RANBP17: variants seen among roughly 807,000 people sequenced by gnomAD.
RANBP17 encodes RAN binding protein 17, also known as ran-binding protein 17.
RANBP17 carries 158 observed loss-of-function variants against 141.2 expected under a neutral mutation model. That is an observed-to-expected ratio of 1.12 (90% CI 0.98 to 1.28). RANBP17 has a LOEUF of 1.28. RANBP17 is among the 50% of genes most tolerant of loss of function. RANBP17 has a pLI of 0.00. For missense variants in RANBP17, 1,438 were observed against 1,290.7 expected (o/e 1.11, Z -1.75); for synonymous variants, 430 against 450.0 (o/e 0.96, Z 0.56).
intron 3 of RANBP17, among the ~76,000 whole-genome samples, chr5:170,882,761 T>A (rs943378933): frequency 1.3e-5 from 2 of 152,220 alleles, no homozygotes; most frequent in African/African-American, 4.8e-5. Context: ...ATAAACAGTC[T>A]TGGAACTTTA....
intron 5 of RANBP17, among the ~76,000 whole-genome samples, chr5:170,902,423 A>T (rs1408469878): frequency 2.6e-5 from 4 of 152,134 alleles, no homozygotes; most frequent in Non-Finnish European, 2.9e-5. Context: ...CAATTCCTCT[A>T]ACCTTATTTC....
At chr5:171,193,976 A>G (rs1761814224) in intron 18 of RANBP17, among the ~76,000 whole-genome samples, 1 of 152,206 alleles carries the variant, frequency 6.6e-6, no homozygotes, top group African/African-American at 2.4e-5. Context: ...CAATTGCCAA[A>G]GTGTTTCACA....
intron 14 of RANBP17, among the ~76,000 whole-genome samples, chr5:171,167,176 C>T (rs138871043): frequency 6.9e-4 from 105 of 152,286 alleles, no homozygotes; most frequent in Non-Finnish European, 1.1e-3. Context: ...CACAACAGAC[C>T]TGCCTGCCTA....
At chr5:170,879,478 A>G (rs1247302269) in intron 2 of RANBP17, among the ~76,000 whole-genome samples, 2 of 152,254 alleles carry the variant, frequency 1.3e-5, no homozygotes, top group East Asian at 3.9e-4. Context: ...ACTTGTTTTA[A>G]CTTTTGACAA....
chr5:170,955,633 ATATATATGCTCAGTG>A (rs1480247965), intron 13 of RANBP17, among the ~76,000 whole-genome samples: 1 of 79,718 alleles, frequency 1.3e-5, no homozygotes, highest in African/African-American at 6.1e-5. Context: ...ATATATATAT[ATATATATGCTCAGTG>A]TATATATATA....
intron 5 of RANBP17, chr5:170,904,035 C>T: frequency 2.1e-6 from 1 of 470,364 alleles, no homozygotes; most frequent in East Asian, 5.3e-5. Flanking sequence ...AGATCACCAG[C>T]TGCTTCAGGC....
chr5:170,930,718 TG>T (rs1316713493), intron 12 of RANBP17, among the ~76,000 whole-genome samples: 1 of 152,186 alleles, frequency 6.6e-6, no homozygotes, highest in African/African-American at 2.4e-5. Context: ...GCTTCATCCA[TG>T]TCCCTATAAA....
intron 14 of RANBP17, among the ~76,000 whole-genome samples, chr5:171,169,683 T>G (rs1345068670): frequency 1.9e-5 from 2 of 104,640 alleles, no homozygotes; most frequent in African/African-American, 5.4e-5. Context: ...TAAATCCTTA[T>G]TTTTATAACT....
At chr5:171,270,565 G>A (rs947353669) in intron 25 of RANBP17, among the ~76,000 whole-genome samples, 1 of 152,098 alleles carries the variant, frequency 6.6e-6, no homozygotes, top group Admixed American at 6.5e-5. Context: ...ACATTTCTAT[G>A]TGAAATTTTT....
At chr5:171,024,071 A>T (rs1781071680) in intron 14 of RANBP17, among the ~76,000 whole-genome samples, 1 of 152,220 alleles carries the variant, frequency 6.6e-6, no homozygotes, top group Non-Finnish European at 1.5e-5. Context: ...CCTTCTTTAG[A>T]TGCTAGAATT....
At chr5:171,202,380 A>G (rs1267158087) in intron 19 of RANBP17, among the ~76,000 whole-genome samples, 9 of 152,166 alleles carry the variant, frequency 5.9e-5, no homozygotes, top group African/African-American at 1.9e-4. Flanking sequence ...TCATGACATC[A>G]TCAGTTTCAA....
chr5:171,096,206 A>G (rs970663168), intron 14 of RANBP17, among the ~76,000 whole-genome samples: 1 of 152,188 alleles, frequency 6.6e-6, no homozygotes, highest in Admixed American at 6.5e-5. Context: ...TGAAAGGTCA[A>G]CTGTAATGTG....
rs150132507 is a variant in RANBP17, at chr5:171,267,775, C to T, written c.2943+1928C>T. 9.7e-3 allele frequency among the ~76,000 whole-genome samples: 1,465 copies of T among 151,672 alleles called. 26 individuals carry two copies. The highest frequency in any genetic ancestry group is 0.034 in the African/African-American group (1,401 of 41,318). On this transcript the variant is annotated intron_variant, in intron 25 of 27. Transcript: ENST00000523189. ...TGAGCGAGATCACACCACTGCACTC[C>T]AGCTTGGCGACAGAGCTCCATCTCA...
In RANBP17 at chr5:171,244,265, C is replaced by T. The variant is rs147941189; in HGVS notation, c.2776+1445C>T. The stretch of plus-strand genomic sequence containing the variant: ...AAAATTAGCCAGGTGTGGTGGTGTG[C>T]GCCTGTAGTCCCAGCTACTCGGGAG... On this transcript the variant is annotated intron_variant, in intron 24 of 27. Coordinates refer to ENST00000523189, the MANE Select transcript of RANBP17 (RefSeq NM_022897.5). Among the ~76,000 whole-genome samples, 873 of 151,026 alleles carry T rather than the reference C, an allele frequency of 5.8e-3. 11 individuals are homozygous for T. Among genetic ancestry groups the T allele is most frequent in the Middle Eastern group, 0.017 (5 of 294 alleles).
chr5:170,905,779 T>C (rs1275539031), intron 5 of RANBP17, among the ~76,000 whole-genome samples: 1 of 152,132 alleles, frequency 6.6e-6, no homozygotes, highest in African/African-American at 2.4e-5. Context: ...TGTACTTATC[T>C]TCATTTTACA....
chr5:170,999,049 C>T (rs929936722), intron 14 of RANBP17, among the ~76,000 whole-genome samples: 3 of 152,022 alleles, frequency 2.0e-5, no homozygotes, highest in African/African-American at 7.2e-5. Flanking sequence ...GTGTGACTTG[C>T]CCACTGTCTC....
chr5:170,987,097 G>A (rs965267983), intron 14 of RANBP17, among the ~76,000 whole-genome samples: 1 of 151,608 alleles, frequency 6.6e-6, no homozygotes, highest in Non-Finnish European at 1.5e-5. Flanking sequence ...TTTTCACTTT[G>A]GTGAAAAATA....
rs1031450063 is a variant in RANBP17, at chr5:171,242,965, G to A, written c.2776+145G>A. ...AAGATTATAATTATTACTTGCAAGT[G>A]GGAAAAATGTATTTCTTCATATTTT... On this transcript the variant is annotated intron_variant, in intron 24 of 27. Coordinates refer to ENST00000523189, the MANE Select transcript of RANBP17 (RefSeq NM_022897.5). The A allele has an allele frequency of 4.4e-5, 32 of 733,626 alleles. No individual in the cohort carries two copies. In the African/African-American group the frequency reaches 5.5e-4, roughly 13 times the overall value. The allele number at this position is 733,626 out of a possible 1,614,324, so 45.4% of individuals were successfully genotyped here. A position where few individuals can be genotyped will look rare whatever the true frequency, so the allele number is the denominator to read the frequency against.
chr5:170,977,052 G>A (rs74662912), intron 14 of RANBP17, among the ~76,000 whole-genome samples: 9,628 of 152,008 alleles, frequency 0.063, 407 homozygotes, highest in East Asian at 0.12. Flanking sequence ...AATTGAAAGC[G>A]CAACCTACAA....
Sources: gnomAD v4.1 joint callset for allele counts (sites outside exome capture counted in the v4.1 genomes callset) on GRCh38, gnomAD v4.1.1 for gene constraint, MANE v1.5 for transcripts, NCBI Gene and HGNC (gene_info 2026-07-23, HGNC 2026-07-21) for gene names.